The following EPHA6 variants were observed in gnomAD, a reference collection of about 807,000 sequenced individuals.
EPHA6 encodes the protein EPH receptor A6, also known as ephrin type-A receptor 6.
In EPHA6, 50 loss-of-function variants were observed where a neutral mutation model predicts 112.0. The observed-to-expected ratio is 0.45, with a 90% CI of 0.36 to 0.56. The LOEUF (loss-of-function observed/expected upper bound fraction) is 0.56, where lower values mean the gene tolerates loss of function less well. Among genes scored for constraint, EPHA6 ranks in the 20% least tolerant of loss-of-function variants. The pLI is 0.00. For missense variants in EPHA6, 1,280 were observed against 1,417.4 expected, an observed-to-expected ratio of 0.90 and a Z score of 1.56; for synonymous variants, 529 against 490.7, an observed-to-expected ratio of 1.08 and a Z score of -1.03.
chr3:97,551,331 G>C (rs964869289), intron 11 of EPHA6, among the ~76,000 whole-genome samples: 1 of 152,084 alleles, frequency 6.6e-6, no homozygotes, highest in Non-Finnish European at 1.5e-5. Context: ...GCACACCTTA[G>C]TCCACTTGTG....
chr3:97,701,829 T>A (rs2033410211), intron 14 of EPHA6, among the ~76,000 whole-genome samples: 1 of 152,132 alleles, frequency 6.6e-6, no homozygotes, highest in Non-Finnish European at 1.5e-5. Context: ...TATAATGCAA[T>A]CAATTCCTTA....
chr3:97,057,078 A>G lies in EPHA6; in HGVS notation c.1114+69085A>G, dbSNP rs538115461. On this transcript the variant is annotated intron_variant, in intron 3 of 17. Coordinates refer to ENST00000389672, the MANE Select transcript of EPHA6 (RefSeq NM_001080448.3). Reference sequence around the variant, plus strand: ...GCAGAGTTACATAATCCATTCTTGCATTCAGTCAGCAAATACATACTGGCT... The same window carrying G: ...GCAGAGTTACATAATCCATTCTTGCGTTCAGTCAGCAAATACATACTGGCT... 1.8e-4 allele frequency among the ~76,000 whole-genome samples: 28 copies of G among 152,322 alleles called. 1 individual carries two copies. The South Asian group carries it at 5.8e-3, about 32-fold the overall frequency.
At chr3:97,655,865 C>G (rs2107619308) in intron 14 of EPHA6, among the ~76,000 whole-genome samples, 1 of 151,904 alleles carries the variant, frequency 6.6e-6, no homozygotes, top group East Asian at 1.9e-4. Flanking sequence ...ATGTAACAAA[C>G]CTGCACGTTG....
intron 2 of EPHA6, among the ~76,000 whole-genome samples, chr3:96,869,036 C>T (rs910801864): frequency 1.3e-5 from 2 of 151,940 alleles, no homozygotes; most frequent in African/African-American, 4.8e-5. Flanking sequence ...TTTAGGCTTA[C>T]AGAAATGAAA....
intron 3 of EPHA6, among the ~76,000 whole-genome samples, chr3:97,102,425 A>G (rs1484482207): frequency 1.3e-5 from 2 of 152,066 alleles, no homozygotes; most frequent in African/African-American, 4.8e-5. Flanking sequence ...GGGTAGGGGG[A>G]TAGTGTATGA....
At chr3:97,327,993 ATGTGTATGT>A (rs2082545347) in intron 5 of EPHA6, among the ~76,000 whole-genome samples, 8 of 137,906 alleles carry the variant, frequency 5.8e-5, no homozygotes, top group Admixed American at 1.5e-4. Context: ...ATATATGTAT[ATGTGTATGT>A]ATATGTATAT....
At chr3:97,198,505 C>A (rs891997292) in intron 3 of EPHA6, among the ~76,000 whole-genome samples, 2 of 141,216 alleles carry the variant, frequency 1.4e-5, no homozygotes, top group African/African-American at 5.8e-5. Context: ...TTTTTTGAGT[C>A]CACGCAGACT....
chr3:97,222,027 CAAA>C (rs1286519110), intron 3 of EPHA6, among the ~76,000 whole-genome samples: 2 of 110,768 alleles, frequency 1.8e-5, no homozygotes, highest in Admixed American at 9.6e-5. Flanking sequence ...GACCCCTTCT[CAAA>C]AAAAAAAAAA....
intron 3 of EPHA6, among the ~76,000 whole-genome samples, chr3:97,025,089 C>T (rs1032818093): frequency 2.6e-4 from 40 of 152,114 alleles, no homozygotes; most frequent in African/African-American, 8.9e-4. Context: ...TTGCCACTCA[C>T]AGGGCAAGCT....
chr3:97,204,196 G>A (rs187339102), intron 3 of EPHA6, among the ~76,000 whole-genome samples: 2 of 152,164 alleles, frequency 1.3e-5, no homozygotes, highest in East Asian at 3.9e-4. Flanking sequence ...TTTGCCTTAA[G>A]TATTGACATA....
intron 5 of EPHA6, among the ~76,000 whole-genome samples, chr3:97,273,105 T>A (rs1422928068): frequency 6.6e-6 from 1 of 152,112 alleles, no homozygotes; most frequent in Non-Finnish European, 1.5e-5. Context: ...TTATTGGTGA[T>A]GGCCTGGATA....
At chr3:96,962,640 ATT>A (rs78245110) in intron 2 of EPHA6, among the ~76,000 whole-genome samples, 2 of 145,274 alleles carry the variant, frequency 1.4e-5, no homozygotes, top group African/African-American at 5.1e-5. Flanking sequence ...TTTAAGCTTA[ATT>A]TTTTTTTTTA....
intron 7 of EPHA6, among the ~76,000 whole-genome samples, chr3:97,456,767 CTTGAT>C (rs1248765783): frequency 6.6e-6 from 1 of 152,012 alleles, no homozygotes; most frequent in African/African-American, 2.4e-5. Flanking sequence ...TTTAATTTGA[CTTGAT>C]TTGAGATGGA....
At chr3:97,095,077 TA>T (rs1313477469) in intron 3 of EPHA6, among the ~76,000 whole-genome samples, 3 of 152,078 alleles carry the variant, frequency 2.0e-5, no homozygotes, top group African/African-American at 7.2e-5. Context: ...GGGCTGCCAT[TA>T]AAAGTAGTAA....
At chr3:97,595,450 C>T (rs2093579601) in intron 12 of EPHA6, among the ~76,000 whole-genome samples, 1 of 152,108 alleles carries the variant, frequency 6.6e-6, no homozygotes, top group South Asian at 2.1e-4. Flanking sequence ...TAGAGACCAG[C>T]CTGGCCAACA....
chr3:97,208,160 A>G (rs2077763920), intron 3 of EPHA6, among the ~76,000 whole-genome samples: 1 of 152,156 alleles, frequency 6.6e-6, no homozygotes, highest in Non-Finnish European at 1.5e-5. Flanking sequence ...CTTGTAATCC[A>G]TGAGAATCTG....
chr3:96,831,522 T>C (rs1219579205), intron 1 of EPHA6, among the ~76,000 whole-genome samples: 1 of 152,058 alleles, frequency 6.6e-6, no homozygotes, highest in Non-Finnish European at 1.5e-5. Context: ...TGTTCATTTT[T>C]TTTTTTGCCA....
At chr3:97,587,879 G>T (rs1238122877) in intron 11 of EPHA6, among the ~76,000 whole-genome samples, 2 of 152,076 alleles carry the variant, frequency 1.3e-5, no homozygotes, top group Admixed American at 1.3e-4. Context: ...TAAAATTAAA[G>T]CTTTGCCCTG....
chr3:96,887,769 C>A (rs2037716085), intron 2 of EPHA6, among the ~76,000 whole-genome samples: 2 of 152,080 alleles, frequency 1.3e-5, no homozygotes, highest in Non-Finnish European at 2.9e-5. Context: ...CTTGCTGTGG[C>A]TACTGTTGGG....
Sources: allele counts gnomAD v4.1 joint callset (sites outside exome capture counted in the v4.1 genomes callset), GRCh38; gene constraint gnomAD v4.1.1; transcripts MANE v1.5; gene names NCBI Gene and HGNC (gene_info 2026-07-23, HGNC 2026-07-21).